Variants in BICC1 observed in about 807,000 individuals in gnomAD.
The protein encoded by BICC1 is protein bicaudal C homolog 1.
In BICC1, 43 loss-of-function variants were observed where a neutral mutation model predicts 111.0. The ratio of observed to expected loss-of-function variants is 0.39; its 90% confidence interval spans 0.30 to 0.50. The LOEUF is 0.50. Among genes scored for constraint, BICC1 ranks in the 20% least tolerant of loss-of-function variants. The pLI is 0.88. For synonymous variants in BICC1, 467 were observed against 434.4 expected (o/e 1.07, Z -0.93); for missense variants, 1,091 against 1,203.2 (o/e 0.91, Z 1.38).
Position 58,800,211 on chromosome 10 carries a change from T to C in BICC1, c.1743T>C (p.Tyr581=), listed in dbSNP as rs759215331. The C allele has an allele frequency of 7.5e-6, 12 of 1,602,646 alleles. No homozygotes were observed. Among genetic ancestry groups the C allele is most frequent in the Non-Finnish European group, 9.4e-6 (11 of 1,170,610 alleles). ...NGHAQSPDIK[Y]GAISTSSLGE... ...TATTTTAGTCTCCAGATATAAAATA[T>C]GGTGCAATATCCACTTCATCACTTG... Residue 581 remains tyrosine, a synonymous_variant, in exon 13 of 21, where the codon TAT becomes TAC. Coordinates refer to ENST00000373886, the MANE Select transcript of BICC1 (RefSeq NM_001080512.3).
intron 2 of BICC1, among the ~76,000 whole-genome samples, chr10:58,701,303 T>C (rs1039500763): frequency 6.6e-6 from 1 of 152,202 alleles, no homozygotes; most frequent in Non-Finnish European, 1.5e-5. Context: ...TGAGCAAACA[T>C]TAATCTAGTG....
chr10:58,778,410 A>G (rs1367313915), intron 3 of BICC1, among the ~76,000 whole-genome samples: 1 of 152,176 alleles, frequency 6.6e-6, no homozygotes, highest in Non-Finnish European at 1.5e-5. Context: ...GCCTACCAGT[A>G]ACATAAAAGG....
rs117276700 is a variant in BICC1, at chr10:58,540,124, A to T, written c.190+26791A>T. Among the ~76,000 whole-genome samples, 23 of 152,134 alleles carry T rather than the reference A, an allele frequency of 1.5e-4. 1 individual carries two copies. The East Asian group carries it at 4.3e-3, about 28-fold the overall frequency. On this transcript the variant is annotated intron_variant, in intron 1 of 20. Transcript: ENST00000373886. ...ACAACACATAAGATGCAGCAAAAGCAGTAGTAAGAGGGAAGTTTATAGCAG... is the reference window on the plus strand; with the variant it reads ...ACAACACATAAGATGCAGCAAAAGCTGTAGTAAGAGGGAAGTTTATAGCAG...
intron 1 of BICC1, among the ~76,000 whole-genome samples, chr10:58,581,755 C>T (rs10763557): frequency 0.46 from 70,266 of 151,860 alleles, 17,297 homozygotes; most frequent in Admixed American, 0.63. Flanking sequence ...GACCCCCTCC[C>T]TCCAATTTGG....
rs530335253 is a variant in BICC1, at chr10:58,533,190, G to A, written c.190+19857G>A. On this transcript the variant is annotated intron_variant, in intron 1 of 20. Transcript: ENST00000373886. ...CTCTGCCATGGCAGTGCTTCTGCTC[G>A]TTCCTCTCATCAAACAAGGACAAAT... Among the ~76,000 whole-genome samples the A allele has an allele frequency of 2.4e-4, 37 of 151,994 alleles. 1 individual carries two copies. The highest frequency in any genetic ancestry group is 7.7e-4 in the African/African-American group (32 of 41,516).
intron 2 of BICC1, among the ~76,000 whole-genome samples, chr10:58,676,883 T>G (rs1391219823): frequency 1.3e-5 from 2 of 152,198 alleles, no homozygotes; most frequent in Non-Finnish European, 1.5e-5. Context: ...TTCTGCAGCC[T>G]CCGCTGGTGA....
intron 3 of BICC1, among the ~76,000 whole-genome samples, chr10:58,784,018 T>C (rs1842945891): frequency 6.6e-6 from 1 of 152,164 alleles, no homozygotes; most frequent in South Asian, 2.1e-4. Context: ...GTGTCTTACC[T>C]CCTTTAAGCC....
Position 58,670,568 on chromosome 10 carries a change from C to T in BICC1, c.238-31506C>T, listed in dbSNP as rs554524940. On this transcript the variant is annotated intron_variant, in intron 2 of 20. Transcript: ENST00000373886. ...CTGATCACATGGGAGGAGTCAGGGA[C>T]AGGCAGTGGTCAAGGATGACACTGA... 2.0e-5 allele frequency among the ~76,000 whole-genome samples: 3 copies of T among 152,230 alleles called. No individual in the cohort carries two copies. In the East Asian group the frequency reaches 5.8e-4, roughly 29 times the overall value.
intron 3 of BICC1, chr10:58,715,527 G>A (rs925672405): frequency 1.8e-5 from 24 of 1,357,332 alleles, no homozygotes; most frequent in African/African-American, 1.1e-4. Context: ...TTCCCTCGGC[G>A]TGCCACTGTG....
At chr10:58,697,762 A>C (rs1439905937) in intron 2 of BICC1, among the ~76,000 whole-genome samples, 1 of 152,000 alleles carries the variant, frequency 6.6e-6, no homozygotes, top group African/African-American at 2.4e-5. Flanking sequence ...AGATCCAGTA[A>C]CCTAGCTCCA....
At chr10:58,648,841 A>G (rs999801590) in intron 2 of BICC1, among the ~76,000 whole-genome samples, 1 of 152,146 alleles carries the variant, frequency 6.6e-6, no homozygotes, top group Non-Finnish European at 1.5e-5. Flanking sequence ...TTAGTATCAC[A>G]TGATTTGAGT....
At chr10:58,819,834 A>C (rs563973638) in intron 19 of BICC1, among the ~76,000 whole-genome samples, 3 of 152,250 alleles carry the variant, frequency 2.0e-5, no homozygotes, top group African/African-American at 7.2e-5. Context: ...TCCTGATGCC[A>C]GACAGTGCAG....
At chr10:58,817,150 C>T (rs954103381) in intron 18 of BICC1, among the ~76,000 whole-genome samples, 1 of 152,062 alleles carries the variant, frequency 6.6e-6, no homozygotes, top group African/African-American at 2.4e-5. Flanking sequence ...AGAGAGCCAC[C>T]CTGCCATCCA....
chr10:58,524,632 A>G (rs1258051389), intron 1 of BICC1, among the ~76,000 whole-genome samples: 1 of 152,148 alleles, frequency 6.6e-6, no homozygotes, highest in Non-Finnish European at 1.5e-5. Context: ...AGGCATTACC[A>G]TTCAGGACAT....
chr10:58,710,549 G>A (rs1045163367), intron 3 of BICC1, among the ~76,000 whole-genome samples: 26 of 152,262 alleles, frequency 1.7e-4, no homozygotes, highest in African/African-American at 5.1e-4. Context: ...CCACTCAAAG[G>A]TGTGTACATT....
At chr10:58,826,480 G>A (rs1245618634) in intron 20 of BICC1, among the ~76,000 whole-genome samples, 10 of 148,954 alleles carry the variant, frequency 6.7e-5, no homozygotes, top group African/African-American at 9.8e-5. Flanking sequence ...GGCCGGGTGC[G>A]GTGGCTCATG....
chr10:58,549,691 CT>C (rs1287240375), intron 1 of BICC1, among the ~76,000 whole-genome samples: 3,580 of 115,184 alleles, frequency 0.031, 125 homozygotes, highest in African/African-American at 0.11. Context: ...TTGTTTTTTT[CT>C]TTTTTTTTTT....
chr10:58,806,560 AG>A, intron 15 of BICC1, 23 bp from the exon 16 acceptor site: 1 of 1,608,520 alleles, frequency 6.2e-7, no homozygotes, highest in Non-Finnish European at 8.5e-7. Flanking sequence ...CTGTCAATAA[AG>A]GTATTTTCTG....
intron 1 of BICC1, among the ~76,000 whole-genome samples, chr10:58,549,157 T>G (rs891021942): frequency 6.6e-6 from 1 of 152,072 alleles, no homozygotes; most frequent in Non-Finnish European, 1.5e-5. Flanking sequence ...GTTTTTTTTT[T>G]TCTCCTATGA....
Sources: allele counts gnomAD v4.1 joint callset (sites outside exome capture counted in the v4.1 genomes callset), GRCh38; gene constraint gnomAD v4.1.1; transcripts MANE v1.5; gene names NCBI Gene and HGNC (gene_info 2026-07-23, HGNC 2026-07-21).